Variants in PCNX2 observed in about 807,000 individuals in gnomAD.
The protein encoded by PCNX2 is pecanex-like protein 2.
In PCNX2, 168 loss-of-function variants were observed where a neutral mutation model predicts 223.8. The observed-to-expected ratio is 0.75, with a 90% CI of 0.66 to 0.85. The LOEUF is 0.85. Ranked by LOEUF, PCNX2 falls within the 40% of genes least tolerant of loss-of-function variation. The probability of loss-of-function intolerance (pLI) is 0.00; values close to 1 mark genes in which losing one functional copy is unlikely to be tolerated. For synonymous variants in PCNX2, 1,006 were observed against 1,052.6 expected, an observed-to-expected ratio of 0.96 and a Z score of 0.86; for missense variants, 2,507 against 2,675.5, an observed-to-expected ratio of 0.94 and a Z score of 1.39.
chr1:233,183,111 A>C (rs1679898013), intron 15 of PCNX2, among the ~76,000 whole-genome samples: 1 of 152,180 alleles, frequency 6.6e-6, no homozygotes, highest in Non-Finnish European at 1.5e-5. Flanking sequence ...TGTTAGCTCG[A>C]ACTCAAAGGC....
intron 21 of PCNX2, among the ~76,000 whole-genome samples, chr1:233,101,587 A>G (rs978849250): frequency 6.6e-6 from 1 of 152,204 alleles, no homozygotes; most frequent in Non-Finnish European, 1.5e-5. Context: ...CATAAGGGAT[A>G]CCATCCATGA....
intron 21 of PCNX2, among the ~76,000 whole-genome samples, chr1:233,106,399 CT>C (rs1262400293): frequency 1.6e-5 from 2 of 126,368 alleles, no homozygotes; most frequent in East Asian, 2.5e-4. Flanking sequence ...GTTGCCCAGT[CT>C]GGAATGCAGT....
chr1:233,115,776 A>C (rs1218910426), intron 21 of PCNX2, among the ~76,000 whole-genome samples: 1 of 152,210 alleles, frequency 6.6e-6, no homozygotes, highest in Non-Finnish European at 1.5e-5. Context: ...ACAAACTGAA[A>C]ACTATAACAA....
chr1:233,216,092 G>A (rs1398359514), intron 12 of PCNX2, among the ~76,000 whole-genome samples: 2 of 152,088 alleles, frequency 1.3e-5, no homozygotes, highest in Non-Finnish European at 2.9e-5. Flanking sequence ...TTCTTTCATT[G>A]GGAGGGTTTT....
chr1:233,181,850 T>G (rs1679821391), intron 15 of PCNX2, among the ~76,000 whole-genome samples: 1 of 152,190 alleles, frequency 6.6e-6, no homozygotes, highest in Non-Finnish European at 1.5e-5. Context: ...TGTAATCACC[T>G]CACAAAGCCC....
At chr1:233,108,278 A>G (rs1335285465) in intron 21 of PCNX2, among the ~76,000 whole-genome samples, 3 of 152,102 alleles carry the variant, frequency 2.0e-5, no homozygotes, top group Non-Finnish European at 4.4e-5. Flanking sequence ...TGGGGTCTGG[A>G]TTGGGAATCC....
intron 17 of PCNX2, 121 bp downstream of exon 17, chr1:233,177,681 G>C (rs572566228): frequency 1.3e-6 from 1 of 776,130 alleles, no homozygotes; most frequent in African/African-American, 1.8e-5. Flanking sequence ...GGTACCAAGC[G>C]AGGTGTATCT....
In PCNX2 at chr1:233,295,433, C is replaced by T; in HGVS notation, c.46G>A (p.Ala16Thr). The T allele has an allele frequency of 1.9e-6, 3 of 1,551,644 alleles. No individual in the cohort carries two copies. The highest frequency in any genetic ancestry group is 2.4e-5 in the East Asian group (1 of 40,920). ...LQLLRQGVWA[A>T]LTGGWYHDPE... Reference sequence around the variant, plus strand: ...TCGTGGTACCAGCCCCCGGTGAGCGCGGCCCACACGCCCTGCCGGAGCAGC... The same window carrying T: ...TCGTGGTACCAGCCCCCGGTGAGCGTGGCCCACACGCCCTGCCGGAGCAGC... Residue 16 changes from alanine (A) to threonine (T), a missense_variant, in exon 1 of 34, where the codon GCG becomes ACG. This residue lies in a region of PCNX2 where 1,031 missense variants were observed against 1,021.7 expected (regional missense o/e 1.01). Coordinates refer to ENST00000258229, the MANE Select transcript of PCNX2 (RefSeq NM_014801.4). This position sits in a 1 kb window ranked among gnomAD's most constrained non-coding sequence, Gnocchi z 4.1.
At chr1:233,003,833 T>C (rs1266220696) in intron 28 of PCNX2, among the ~76,000 whole-genome samples, 3 of 152,168 alleles carry the variant, frequency 2.0e-5, no homozygotes, top group Non-Finnish European at 4.4e-5. Context: ...TAAAAAAGGA[T>C]GAGTTCATGT....
intron 21 of PCNX2, among the ~76,000 whole-genome samples, chr1:233,117,526 G>A (rs952127649): frequency 6.6e-6 from 1 of 150,616 alleles, no homozygotes; most frequent in Admixed American, 6.6e-5. Flanking sequence ...GCGTGAACCC[G>A]GGAGGCGGAG....
In PCNX2 at chr1:233,095,833, C is replaced by T. The variant is rs369665773; in HGVS notation, c.3868G>A (p.Val1290Ile). 37 of 1,611,630 alleles carry T rather than the reference C, an allele frequency of 2.3e-5. No individual in the cohort carries two copies. The African/African-American group carries it at 3.5e-4, about 15-fold the overall frequency. Residue 1290 changes from valine to isoleucine, a missense_variant, in exon 22 of 34, where the codon GTC (valine) becomes ATC (isoleucine). By Grantham distance (29) the Val-to-Ile change is conservative (BLOSUM62 3). Coordinates refer to ENST00000258229, the MANE Select transcript of PCNX2 (RefSeq NM_014801.4). ...TGCCAAGGAGCCACATATGTCAGGA[C>T]GAACTGTAACTTGTGAAGCAGGTCC... ...LGDLLHKLQFVLTYVAPWQMA... is the reference protein window; with the variant it reads ...LGDLLHKLQFILTYVAPWQMA...
intron 1 of PCNX2, among the ~76,000 whole-genome samples, chr1:233,276,396 C>G (rs12140735): frequency 6.6e-6 from 1 of 151,952 alleles, no homozygotes; most frequent in South Asian, 2.1e-4. Context: ...AGAGATGAAA[C>G]ATAGTGATGG....
At chr1:233,248,387 A>G (rs775424899) in intron 8 of PCNX2, among the ~76,000 whole-genome samples, 3 of 152,024 alleles carry the variant, frequency 2.0e-5, no homozygotes, top group Non-Finnish European at 2.9e-5. Context: ...GTCAGAACCA[A>G]TCAGACACAA....
chr1:233,139,665 T>G lies in PCNX2; in HGVS notation c.3659+49A>C. 1 of 1,530,734 alleles carries G rather than the reference T, an allele frequency of 6.5e-7. No homozygotes were observed. Among genetic ancestry groups the G allele is most frequent in the Non-Finnish European group, 8.8e-7 (1 of 1,133,142 alleles). The allele number at this position is 1,530,734 out of a possible 1,614,324, so 94.8% of individuals were successfully genotyped here. On this transcript the variant is annotated intron_variant, in intron 20 of 33. Transcript: ENST00000258229. This position sits in a 1 kb window ranked among gnomAD's most constrained non-coding sequence, Gnocchi z 4.4. ...TTGTTTACAGAAAATTCACTCGATT[T>G]TGAAAATGTGACCCAAATCATTATG...
At position 233,261,292 on chromosome 1, in the gene PCNX2, A is replaced by G. The variant is rs1216294412; in HGVS notation, c.510T>C (p.Asp170=). ...LELSAQETVE[D]LKGVILLEDH... is the part of the protein sequence containing the mutation. ...AAATGATTAACAGTTTACCTTTGAGATCTTCTACAGTTTCCTGTGCTGACA... is the reference window on the plus strand; with the variant it reads ...AAATGATTAACAGTTTACCTTTGAGGTCTTCTACAGTTTCCTGTGCTGACA... The change falls in exon 4 of 34, where the codon GAT becomes GAC. Residue 170 remains aspartate (D), a synonymous_variant. Coordinates refer to ENST00000258229, the MANE Select transcript of PCNX2 (RefSeq NM_014801.4). 1.2e-6 allele frequency: 2 copies of G among 1,611,378 alleles called. No individual in the cohort carries two copies. Among genetic ancestry groups the G allele is most frequent in the Admixed American group, 3.3e-5 (2 of 59,980 alleles).
intron 33 of PCNX2, chr1:232,984,937 CAGAACTACACCCAT>C (rs1669414044): frequency 6.5e-6 from 1 of 154,134 alleles, no homozygotes; most frequent in African/African-American, 2.4e-5. Flanking sequence ...GACAGAATCC[CAGAACTACACCCAT>C]AGATTGTGAC....
At chr1:233,254,184 G>A (rs960946939) in intron 5 of PCNX2, among the ~76,000 whole-genome samples, 3 of 152,180 alleles carry the variant, frequency 2.0e-5, no homozygotes, top group Non-Finnish European at 4.4e-5. Context: ...TTCTCTGTGA[G>A]TCCTGAACAT....
At chr1:233,025,543 C>A in intron 25 of PCNX2, 144 bp from the exon 26 acceptor site, 3 of 1,010,180 alleles carry the variant, frequency 3.0e-6, no homozygotes, top group Non-Finnish European at 4.2e-6. Context: ...TCAAATAAGT[C>A]CCCCAAAGAA....
chr1:233,079,132 C>T (rs1414945030), intron 23 of PCNX2, among the ~76,000 whole-genome samples: 1 of 152,106 alleles, frequency 6.6e-6, no homozygotes, highest in Non-Finnish European at 1.5e-5. Flanking sequence ...CCTGGAGGTA[C>T]AATAGGGGAT....
Sources: allele counts gnomAD v4.1 joint callset (sites outside exome capture counted in the v4.1 genomes callset), GRCh38; gene constraint gnomAD v4.1.1; regional missense constraint gnomAD v4.1.1; non-coding constraint Gnocchi (gnomAD v3.1); transcripts MANE v1.5; gene names NCBI Gene and HGNC (gene_info 2026-07-23, HGNC 2026-07-21).